The following DMD variants were observed in gnomAD, a reference collection of about 807,000 sequenced individuals.
DMD encodes the protein mutant dystrophin.
A neutral mutation model predicts 330.1 loss-of-function variants in DMD; 63 were observed. The observed-to-expected ratio is 0.19, with a 90% CI of 0.16 to 0.24. The LOEUF (loss-of-function observed/expected upper bound fraction) is 0.24. Ranked by LOEUF, DMD falls within the 10% of genes least tolerant of loss-of-function variation. The pLI is 1.00. For missense variants in DMD, 3,344 were observed against 2,684.1 expected (o/e 1.25, Z -5.43); for synonymous variants, 1,223 against 959.8 (o/e 1.27, Z -5.07).
chrX:32,951,785 C>G (rs758858139), intron 2 of DMD, among the ~76,000 whole-genome samples: 8 of 111,830 alleles, frequency 7.2e-5, no homozygotes, highest in Non-Finnish European at 1.5e-4. Flanking sequence ...AATACACTTA[C>G]TATCCTAAGG....
intron 2 of DMD, among the ~76,000 whole-genome samples, chrX:32,985,001 T>C (rs1348824983): frequency 8.9e-6 from 1 of 112,351 alleles, no homozygotes; most frequent in African/African-American, 3.2e-5. Context: ...ATGTACAATA[T>C]AATTTAAAAG....
At chrX:32,192,809 A>G (rs999659759) in intron 44 of DMD, among the ~76,000 whole-genome samples, 1 of 111,853 alleles carries the variant, frequency 8.9e-6, no homozygotes, top group Non-Finnish European at 1.9e-5. Context: ...ATGGAGCTAG[A>G]TTTCAGCCAT....
chrX:32,162,450 C>T (rs73219233), intron 44 of DMD, among the ~76,000 whole-genome samples: 1 of 111,055 alleles, frequency 9.0e-6, no homozygotes, highest in Non-Finnish European at 1.9e-5. Flanking sequence ...GTATCAAAGA[C>T]TCTCAGAGAT....
rs908033586 is a variant in DMD at position 31,978,467 on chromosome X, A to T, written c.6439-9953T>A. Among the ~76,000 whole-genome samples the T allele has an allele frequency of 3.6e-5, 4 of 111,547 alleles. No homozygotes were observed. The Admixed American group carries it at 3.8e-4, about 11-fold the overall frequency. On this transcript the variant is annotated intron_variant, in intron 44 of 78. Coordinates refer to ENST00000357033, the MANE Select transcript of DMD (RefSeq NM_004006.3). Reference sequence around the variant, plus strand: ...ATCTCAGACTCTTTCACTGCATAACATTCTACACAATCTTTCCAGATTAAT... The same window carrying T: ...ATCTCAGACTCTTTCACTGCATAACTTTCTACACAATCTTTCCAGATTAAT...
At chrX:33,254,522 T>C (rs763872524) in intron 1 of DMD, among the ~76,000 whole-genome samples, 10 of 110,426 alleles carry the variant, frequency 9.1e-5, no homozygotes, top group Non-Finnish European at 1.5e-4. Context: ...TATTTTGATA[T>C]AGACTTCACA....
At chrX:32,137,099 G>C (rs1028216453) in intron 44 of DMD, among the ~76,000 whole-genome samples, 1 of 111,988 alleles carries the variant, frequency 8.9e-6, no homozygotes, top group Non-Finnish European at 1.9e-5. Context: ...AAAAATGTGG[G>C]TTTATTCTAG....
rs1397437607 is a variant in DMD, at chrX:31,474,616, G to A, written c.8937+3490C>T. On this transcript the variant is annotated intron_variant, in intron 59 of 78. Transcript: ENST00000357033. ...TCCCAGCTATTTGGGAGGCTGAGGC[G>A]GAGAACTGCTTGAGCCCAGGAGGTG... 8.4e-5 allele frequency among the ~76,000 whole-genome samples: 9 copies of A among 106,670 alleles called. No individual in the cohort carries two copies. The East Asian group carries it at 2.3e-3, about 28-fold the overall frequency. The allele number at this position is 106,670 out of a possible 115,157, so 92.6% of individuals were successfully genotyped here.
intron 11 of DMD, among the ~76,000 whole-genome samples, chrX:32,624,653 G>A (rs961718989): frequency 3.6e-5 from 4 of 111,597 alleles, no homozygotes; most frequent in South Asian, 7.5e-4. Flanking sequence ...CTGCCCAAGG[G>A]ATATCAATGC....
chrX:31,376,470 T>C (rs2059891585), intron 60 of DMD, among the ~76,000 whole-genome samples: 1 of 111,544 alleles, frequency 9.0e-6, no homozygotes, highest in African/African-American at 3.3e-5. Flanking sequence ...CAAGCTAAAG[T>C]AGAGGACTTT....
intron 28 of DMD, among the ~76,000 whole-genome samples, chrX:32,440,001 TA>T (rs766264130): frequency 1.1e-3 from 122 of 111,341 alleles, no homozygotes; most frequent in African/African-American, 3.5e-3. Flanking sequence ...TCTCTTTCCT[TA>T]ACATTCCTTT....
chrX:33,073,676 C>T (rs1212681683), intron 1 of DMD, among the ~76,000 whole-genome samples: 1 of 109,923 alleles, frequency 9.1e-6, no homozygotes, highest in Non-Finnish European at 1.9e-5. Context: ...ACTAAAAACA[C>T]AAAAAATTAG....
At chrX:31,179,469 G>A (rs1441348184) in intron 69 of DMD, among the ~76,000 whole-genome samples, 1 of 112,502 alleles carries the variant, frequency 8.9e-6, no homozygotes, top group Non-Finnish European at 1.9e-5. Flanking sequence ...AATGCCAATA[G>A]ACATATGATG....
At chrX:32,522,720 A>G (rs2046564750) in intron 17 of DMD, among the ~76,000 whole-genome samples, 2 of 111,792 alleles carry the variant, frequency 1.8e-5, no homozygotes, top group Non-Finnish European at 3.8e-5. Flanking sequence ...TTCGCTTCAT[A>G]TTTTCTAAAG....
At chrX:31,321,536 A>G (rs1446832541) in intron 62 of DMD, among the ~76,000 whole-genome samples, 1 of 94,687 alleles carries the variant, frequency 1.1e-5, no homozygotes, top group Admixed American at 1.2e-4. Context: ...GTGAGCCGAG[A>G]TCGGGCCACT....
intron 67 of DMD, among the ~76,000 whole-genome samples, chrX:31,190,891 G>A (rs746033502): frequency 4.7e-4 from 52 of 111,253 alleles, no homozygotes; most frequent in Non-Finnish European, 8.7e-4. Context: ...TTAATAAGCC[G>A]GCAACTATCC....
intron 49 of DMD, among the ~76,000 whole-genome samples, chrX:31,827,567 C>A (rs1375826602): frequency 8.9e-6 from 1 of 111,903 alleles, no homozygotes; most frequent in Non-Finnish European, 1.9e-5. Flanking sequence ...CACCCTAGAA[C>A]AAATGGACTT....
chrX:32,789,580 T>G (rs1162396810), intron 7 of DMD, among the ~76,000 whole-genome samples: 1 of 112,039 alleles, frequency 8.9e-6, no homozygotes, highest in Non-Finnish European at 1.9e-5. Context: ...TTGTGAGAAA[T>G]AACACGGACT....
chrX:33,275,790 T>C (rs1400896926), intron 1 of DMD, among the ~76,000 whole-genome samples: 1 of 111,762 alleles, frequency 8.9e-6, no homozygotes, highest in Non-Finnish European at 1.9e-5. Flanking sequence ...TCCTAGAAAA[T>C]TGGGAAAATA....
Position 31,563,683 on chromosome X carries a change from T to A in DMD, c.8218-56230A>T, listed in dbSNP as rs920212271. Among the ~76,000 whole-genome samples the A allele has an allele frequency of 3.6e-5, 4 of 112,126 alleles. No homozygotes were observed. The East Asian group carries it at 1.1e-3, about 31-fold the overall frequency. On this transcript the variant is annotated intron_variant, in intron 55 of 78. Transcript: ENST00000357033. ...TAAAATCTTGATAAGCCTAAAATAC[T>A]ATAAATCTATTCTATGAAACAGACA...
Sources: allele counts gnomAD v4.1 joint callset (sites outside exome capture counted in the v4.1 genomes callset), GRCh38; gene constraint gnomAD v4.1.1; transcripts MANE v1.5; gene names NCBI Gene and HGNC (gene_info 2026-07-23, HGNC 2026-07-21).